The following PRKCE variants were observed in gnomAD, a reference collection of about 807,000 sequenced individuals.
PRKCE encodes protein kinase C epsilon.
Under a neutral mutation model 85.4 loss-of-function variants are expected in PRKCE, and 16 were observed. The observed-to-expected ratio is 0.19, with a 90% CI of 0.13 to 0.28. The LOEUF (loss-of-function observed/expected upper bound fraction) is 0.28. Ranked by LOEUF, PRKCE falls within the 10% of genes least tolerant of loss-of-function variation. PRKCE has a pLI of 1.00. For synonymous variants in PRKCE, 388 were observed against 371.5 expected, an observed-to-expected ratio of 1.04 and a Z score of -0.51; for missense variants, 573 against 975.2, an observed-to-expected ratio of 0.59 and a Z score of 5.49.
At chr2:45,909,252 G>A (rs1056961436) in intron 2 of PRKCE, among the ~76,000 whole-genome samples, 2 of 152,158 alleles carry the variant, frequency 1.3e-5, no homozygotes, top group African/African-American at 2.4e-5. Flanking sequence ...TAAGATGAAC[G>A]AAGATTATTG....
At chr2:45,976,050 C>T (rs1702430328) in intron 2 of PRKCE, among the ~76,000 whole-genome samples, 1 of 152,166 alleles carries the variant, frequency 6.6e-6, no homozygotes, top group Non-Finnish European at 1.5e-5. Context: ...GAGGAAACAC[C>T]ACCTATCCAA....
intron 1 of PRKCE, among the ~76,000 whole-genome samples, chr2:45,706,345 T>C (rs374585077): frequency 3.0e-4 from 46 of 152,324 alleles, no homozygotes; most frequent in Non-Finnish European, 4.4e-4. Context: ...TGCATGCTGA[T>C]GGTAATGAGA....
chr2:46,064,370 T>C (rs1667432220), intron 10 of PRKCE, among the ~76,000 whole-genome samples: 1 of 152,172 alleles, frequency 6.6e-6, no homozygotes, highest in African/African-American at 2.4e-5. Flanking sequence ...AAGTTCTCTA[T>C]TTGCAAATGA....
intron 4 of PRKCE, among the ~76,000 whole-genome samples, chr2:45,979,613 T>A (rs2595211): frequency 6.6e-6 from 1 of 152,098 alleles, no homozygotes; most frequent in Admixed American, 6.5e-5. Context: ...GTGGTTTTGC[T>A]GAGGTTAGAG....
intron 2 of PRKCE, among the ~76,000 whole-genome samples, chr2:45,935,338 G>T (rs1417643055): frequency 6.6e-6 from 1 of 152,258 alleles, no homozygotes; most frequent in African/African-American, 2.4e-5. Context: ...GATAAGTGGG[G>T]CAGAAGAAAA....
intron 2 of PRKCE, among the ~76,000 whole-genome samples, chr2:45,928,357 T>A (rs1007239060): frequency 2.0e-5 from 3 of 152,232 alleles, no homozygotes; most frequent in Non-Finnish European, 2.9e-5. Context: ...AACCTCCGCC[T>A]CGCGGGTTGA....
intron 13 of PRKCE, among the ~76,000 whole-genome samples, chr2:46,153,587 C>T (rs755117359): frequency 2.6e-5 from 4 of 151,996 alleles, no homozygotes; most frequent in Non-Finnish European, 5.9e-5. Context: ...GGGGAAAGGG[C>T]GTCTGTTCAG....
chr2:45,982,228 C>G (rs1012451770), intron 5 of PRKCE, among the ~76,000 whole-genome samples: 2 of 144,686 alleles, frequency 1.4e-5, no homozygotes, highest in Non-Finnish European at 3.1e-5. Flanking sequence ...GGCTTGCCCT[C>G]TGCCGGGTTA....
At chr2:45,753,060 C>T (rs888072090) in intron 1 of PRKCE, among the ~76,000 whole-genome samples, 1 of 152,118 alleles carries the variant, frequency 6.6e-6, no homozygotes, top group Admixed American at 6.5e-5. Context: ...CTGGTCAGGG[C>T]ACAGGGTGTA....
At chr2:46,101,662 T>A (rs1671238657) in intron 11 of PRKCE, among the ~76,000 whole-genome samples, 1 of 152,158 alleles carries the variant, frequency 6.6e-6, no homozygotes, top group Non-Finnish European at 1.5e-5. Context: ...TGAAAGATGA[T>A]CCTAGTATTT....
chr2:46,140,678 A>T (rs555129082), intron 11 of PRKCE, among the ~76,000 whole-genome samples: 1 of 152,246 alleles, frequency 6.6e-6, no homozygotes, highest in East Asian at 1.9e-4. Context: ...CAGTTCAATT[A>T]CATAAAAATA....
At chr2:45,768,121 T>G (rs1344988706) in intron 1 of PRKCE, among the ~76,000 whole-genome samples, 1 of 152,212 alleles carries the variant, frequency 6.6e-6, no homozygotes, top group East Asian at 1.9e-4. Context: ...GAAGAAACTC[T>G]AAGATGGCCA....
intron 2 of PRKCE, among the ~76,000 whole-genome samples, chr2:45,858,757 C>G (rs1487314294): frequency 6.6e-6 from 1 of 152,202 alleles, no homozygotes; most frequent in East Asian, 1.9e-4. Context: ...TAAATAGTAT[C>G]AGGCCGGGTG....
rs1028184830 is a variant in PRKCE at position 45,953,188 on chromosome 2, C to G, written c.413-23241C>G. Among the ~76,000 whole-genome samples the G allele has an allele frequency of 4.6e-5, 7 of 152,172 alleles. 1 individual carries two copies. Among genetic ancestry groups the G allele is most frequent in the African/African-American group, 1.4e-4 (6 of 41,440 alleles). ...CCAGGCAAATGCATCTGTAATGCCC[C>G]AGTACTTTTGATGGAACATACCTAG... On this transcript the variant is annotated intron_variant, in intron 2 of 14. Transcript: ENST00000306156.
chr2:45,688,927 C>T (rs1324306398), intron 1 of PRKCE, among the ~76,000 whole-genome samples: 1 of 152,174 alleles, frequency 6.6e-6, no homozygotes, highest in Non-Finnish European at 1.5e-5. Flanking sequence ...GTTGCTCATC[C>T]ACAACATAAG....
Position 45,663,196 on chromosome 2 carries a change from T to C in PRKCE, c.348+10748T>C, listed in dbSNP as rs147575130. On this transcript the variant is annotated intron_variant, in intron 1 of 14. Transcript: ENST00000306156. ...TTTAACCAGATATGTCCCCAAAATA[T>C]TTCATCATAGAATGCTTTTATTTGG... 1.7e-3 allele frequency among the ~76,000 whole-genome samples: 257 copies of C among 152,356 alleles called. 3 individuals carry two copies. The South Asian group carries it at 0.031, about 18-fold the overall frequency.
chr2:45,847,920 G>C (rs563925794), intron 2 of PRKCE, among the ~76,000 whole-genome samples: 1 of 152,302 alleles, frequency 6.6e-6, no homozygotes, highest in South Asian at 2.1e-4. Flanking sequence ...ATCCTTCTCA[G>C]GTTGTCTGTA....
chr2:46,027,419 G>A (rs1707198005), intron 10 of PRKCE, among the ~76,000 whole-genome samples: 1 of 151,960 alleles, frequency 6.6e-6, no homozygotes, highest in South Asian at 2.1e-4. Context: ...TGGGGAGAGA[G>A]GTTGCAATTA....
rs552308969 is a variant in PRKCE, at chr2:45,926,763, G to A, written c.413-49666G>A. On this transcript the variant is annotated intron_variant, in intron 2 of 14. Coordinates refer to ENST00000306156, the MANE Select transcript of PRKCE (RefSeq NM_005400.3). ...CCTGTGGGCCAGAGGCACCAAAAAC[G>A]ATTTCTGGAAATAGAATTTGAGCTT... Among the ~76,000 whole-genome samples the A allele has an allele frequency of 1.4e-4, 21 of 152,364 alleles. No homozygotes were observed. The South Asian group carries it at 3.3e-3, about 24-fold the overall frequency.
Sources: allele counts gnomAD v4.1 joint callset (sites outside exome capture counted in the v4.1 genomes callset), GRCh38; gene constraint gnomAD v4.1.1; transcripts MANE v1.5; gene names NCBI Gene and HGNC (gene_info 2026-07-23, HGNC 2026-07-21).